Variants in TMEM144 observed in about 807,000 individuals in gnomAD.
TMEM144 encodes transmembrane protein 144.
A neutral mutation model predicts 43.6 loss-of-function variants in TMEM144; 39 were observed. The observed-to-expected ratio is 0.90, with a 90% CI of 0.69 to 1.17. The LOEUF (loss-of-function observed/expected upper bound fraction) is 1.17. Among genes scored for constraint, TMEM144 ranks in the 50% most tolerant of loss-of-function variants. TMEM144 has a pLI of 0.00. For synonymous variants in TMEM144, 154 were observed against 133.6 expected, an observed-to-expected ratio of 1.15 and a Z score of -1.06; for missense variants, 417 against 411.9, an observed-to-expected ratio of 1.01 and a Z score of -0.11.
chr4:158,230,868 A>C (rs1735045492), intron 6 of TMEM144, among the ~76,000 whole-genome samples: 1 of 152,154 alleles, frequency 6.6e-6, no homozygotes, highest in Non-Finnish European at 1.5e-5. Context: ...AAACATAACA[A>C]ATTTAATCAA....
chr4:158,230,208 A>G (rs1387135161), intron 6 of TMEM144, among the ~76,000 whole-genome samples: 2 of 152,134 alleles, frequency 1.3e-5, no homozygotes, highest in Non-Finnish European at 2.9e-5. Context: ...TCACTCACCA[A>G]TTCCCTTGGC....
At position 158,252,683 on chromosome 4, in the gene TMEM144, C is replaced by A. The variant is rs1447979931; in HGVS notation, c.955-761C>A. ...ATTCACTGGGCTTGGTGATGCATGCCTGTAATCCCAGCTACTTGGGAGGCT... is the reference window on the plus strand; with the variant it reads ...ATTCACTGGGCTTGGTGATGCATGCATGTAATCCCAGCTACTTGGGAGGCT... On this transcript the variant is annotated intron_variant, in intron 12 of 12. Coordinates refer to ENST00000296529, the MANE Select transcript of TMEM144 (RefSeq NM_018342.5). 4.6e-5 allele frequency among the ~76,000 whole-genome samples: 7 copies of A among 151,866 alleles called. No individual in the cohort carries two copies. In the South Asian group the frequency reaches 1.5e-3, roughly 32 times the overall value.
intron 11 of TMEM144, 77 bp from the exon 12 acceptor site, chr4:158,244,218 CT>C: frequency 9.2e-7 from 1 of 1,088,272 alleles, no homozygotes; most frequent in Non-Finnish European, 1.3e-6. Context: ...TTTATACTGT[CT>C]CTAACTTACT....
intron 6 of TMEM144, among the ~76,000 whole-genome samples, chr4:158,227,404 C>G (rs569763734): frequency 6.6e-6 from 1 of 152,144 alleles, no homozygotes; most frequent in Non-Finnish European, 1.5e-5. Context: ...ATTGTTTACA[C>G]TGACAATGAA....
chr4:158,239,037 CCTTT>C (rs1344110401), intron 9 of TMEM144, among the ~76,000 whole-genome samples: 1 of 152,086 alleles, frequency 6.6e-6, no homozygotes. Flanking sequence ...CAACTAATAC[CCTTT>C]CTTTGTTTTA....
intron 8 of TMEM144, among the ~76,000 whole-genome samples, chr4:158,236,293 AAAC>A (rs1169769362): frequency 2.0e-5 from 3 of 152,264 alleles, no homozygotes; most frequent in African/African-American, 7.2e-5. Flanking sequence ...AAAGAATAAC[AAAC>A]AACATTTGGA....
In TMEM144 at chr4:158,253,584, C is replaced by A; in HGVS notation, c.*57C>A. ...TTAAGAGAACGCGTCTATCGGACAG[C>A]GGAGAGATCATGCTGAGAAAAGAGT... On this transcript the variant is annotated 3_prime_UTR_variant, in exon 13 of 13. Coordinates refer to ENST00000296529, the MANE Select transcript of TMEM144 (RefSeq NM_018342.5). 1.4e-6 allele frequency: 2 copies of A among 1,394,010 alleles called. No homozygotes were observed. Among genetic ancestry groups the A allele is most frequent in the Non-Finnish European group, 2.0e-6 (2 of 986,834 alleles). 86.4% of individuals were successfully genotyped at this position (1,394,010 alleles called of 1,614,324 possible).
chr4:158,216,378 A>T (rs1734224327), intron 4 of TMEM144, among the ~76,000 whole-genome samples: 1 of 152,188 alleles, frequency 6.6e-6, no homozygotes, highest in Non-Finnish European at 1.5e-5. Context: ...ATAGGTGATT[A>T]GGAGGGTGGT....
At chr4:158,219,158 C>T (rs1734384795) in intron 5 of TMEM144, 152 bp from the exon 6 acceptor site, 3 of 702,538 alleles carry the variant, frequency 4.3e-6, no homozygotes, top group South Asian at 2.3e-5. Context: ...AATTGAGGCA[C>T]AGTGAAGATA....
At chr4:158,224,957 A>G (rs1399138018) in intron 6 of TMEM144, among the ~76,000 whole-genome samples, 1 of 152,194 alleles carries the variant, frequency 6.6e-6, no homozygotes, top group Admixed American at 6.5e-5. Flanking sequence ...TAATACCGAG[A>G]GCAAGGTGGC....
At chr4:158,238,320 GA>G (rs1353386478) in intron 9 of TMEM144, among the ~76,000 whole-genome samples, 1 of 152,188 alleles carries the variant, frequency 6.6e-6, no homozygotes, top group Non-Finnish European at 1.5e-5. Flanking sequence ...CCTCTGTTCA[GA>G]TAAAGGAGAA....
At chr4:158,235,288 A>G (rs567646385) in intron 7 of TMEM144, 150 bp from the exon 8 acceptor site, 52 of 695,794 alleles carry the variant, frequency 7.5e-5, no homozygotes, top group Non-Finnish European at 1.1e-4. Context: ...GAAACAGTTG[A>G]GTTTAGAGAT....
chr4:158,232,244 G>A (rs548154092), intron 6 of TMEM144, among the ~76,000 whole-genome samples: 1 of 152,322 alleles, frequency 6.6e-6, no homozygotes, highest in South Asian at 2.1e-4. Flanking sequence ...AATGTCACTA[G>A]ATTTAAATGT....
At chr4:158,215,375 C>G (rs1734172319) in intron 4 of TMEM144, 62 bp downstream of exon 4, 1 of 1,569,530 alleles carries the variant, frequency 6.4e-7, no homozygotes, top group African/African-American at 1.4e-5. Context: ...AATTCTCGTT[C>G]ACAATAGGAG....
chr4:158,215,401 G>A, intron 4 of TMEM144, 88 bp downstream of exon 4: 2 of 1,482,862 alleles, frequency 1.3e-6, no homozygotes, highest in East Asian at 2.5e-5. Context: ...AGCGCAAACA[G>A]TGATTCTGAA....
intron 12 of TMEM144, among the ~76,000 whole-genome samples, chr4:158,250,397 C>T (rs915719561): frequency 6.6e-6 from 1 of 152,006 alleles, no homozygotes; most frequent in Non-Finnish European, 1.5e-5. Flanking sequence ...AAACACAAGA[C>T]CTTTAAGGAA....
rs1736419069 is a variant in TMEM144, at chr4:158,255,169, A to T, written c.*1642A>T. 1 of 152,112 alleles carries T rather than the reference A, an allele frequency of 6.6e-6. No individual in the cohort carries two copies. Among genetic ancestry groups the T allele is most frequent in the Non-Finnish European group, 1.5e-5 (1 of 68,000 alleles). The allele number at this position is 152,112 out of a possible 1,614,324, so 9.4% of individuals were successfully genotyped here. On this transcript the variant is annotated 3_prime_UTR_variant, in exon 13 of 13. Coordinates refer to ENST00000296529, the MANE Select transcript of TMEM144 (RefSeq NM_018342.5). ...AAAGTGATGGAGCTTCTGTTTGTTT[A>T]TTGAATTGCTAATACAAATAAATAT...
intron 12 of TMEM144, 23 bp downstream of exon 12, chr4:158,244,372 T>G: frequency 6.3e-7 from 1 of 1,598,804 alleles, no homozygotes; most frequent in Non-Finnish European, 8.6e-7. Flanking sequence ...AAGGGCAGAC[T>G]TAGAAAATGG....
At chr4:158,253,224 C>T (rs1485417704) in intron 12 of TMEM144, among the ~76,000 whole-genome samples, 1 of 152,148 alleles carries the variant, frequency 6.6e-6, no homozygotes, top group Non-Finnish European at 1.5e-5. Flanking sequence ...CATAAAGGTA[C>T]ATGTTGAAGC....
Sources: gnomAD v4.1 joint callset for allele counts (sites outside exome capture counted in the v4.1 genomes callset) on GRCh38, gnomAD v4.1.1 for gene constraint, MANE v1.5 for transcripts, NCBI Gene and HGNC (gene_info 2026-07-23, HGNC 2026-07-21) for gene names.